Variants in FSIP2 observed in about 807,000 individuals in gnomAD.
FSIP2 encodes the protein fibrous sheath interacting protein 2, also known as fibrous sheath-interacting protein 2.
In FSIP2, 367 loss-of-function variants were observed where a neutral mutation model predicts 510.5. The observed-to-expected ratio is 0.72, with a 90% CI of 0.66 to 0.78. The LOEUF (loss-of-function observed/expected upper bound fraction) is 0.78, where lower values mean the gene tolerates loss of function less well. FSIP2 is among the 30% of genes least tolerant of loss of function. FSIP2 has a pLI of 0.00. For missense variants in FSIP2, 7,594 were observed against 7,901.7 expected (o/e 0.96, Z 1.48); for synonymous variants, 2,601 against 2,732.2 (o/e 0.95, Z 1.50).
intron 13 of FSIP2, among the ~76,000 whole-genome samples, chr2:185,776,679 A>G (rs1362813252): frequency 6.6e-6 from 1 of 152,168 alleles, no homozygotes; most frequent in East Asian, 1.9e-4. Flanking sequence ...TGACATTTTT[A>G]AGTGTTTTAT....
At position 185,808,225 on chromosome 2, in the gene FSIP2, T is replaced by C. The variant is rs750409084; in HGVS notation, c.18919T>C (p.Ser6307Pro). The change falls in exon 17 of 23, where the codon TCA (serine) becomes CCA (proline). Residue 6307 changes from serine to proline, a missense_variant. Ser to Pro is a moderately conservative substitution (Grantham distance 74, BLOSUM62 -1). Coordinates refer to ENST00000424728, the MANE Select transcript of FSIP2 (RefSeq NM_173651.4). ...TCAACCTCAAGTAGAGGAAGAAGTA[T>C]CAAATTCAGAATTAGTTCTGGAAGC... ...EFQPQVEEEV[S>P]NSELVLEAVK... 1.2e-6 allele frequency: 2 copies of C among 1,608,478 alleles called. No homozygotes were observed. Among genetic ancestry groups the C allele is most frequent in the Non-Finnish European group, 1.7e-6 (2 of 1,178,138 alleles).
chr2:185,781,744 T>G (rs1692853101), intron 13 of FSIP2, among the ~76,000 whole-genome samples: 1 of 152,236 alleles, frequency 6.6e-6, no homozygotes, highest in South Asian at 2.1e-4. Flanking sequence ...CTAGGCAAAA[T>G]TAAAAATATT....
chr2:185,785,751 C>T (rs929884597), intron 14 of FSIP2, among the ~76,000 whole-genome samples: 1 of 151,884 alleles, frequency 6.6e-6, no homozygotes, highest in Non-Finnish European at 1.5e-5. Flanking sequence ...GATTTTAACC[C>T]ATAGTTACTG....
At chr2:185,775,527 T>G (rs1043062873) in intron 13 of FSIP2, among the ~76,000 whole-genome samples, 3 of 152,098 alleles carry the variant, frequency 2.0e-5, no homozygotes, top group Admixed American at 6.5e-5. Flanking sequence ...ATTTTGTAGG[T>G]TGCCTGTTCA....
rs1367332089 is a variant in FSIP2, at chr2:185,793,858, C to G, written c.6722C>G (p.Ser2241Cys). The change falls in exon 16 of 23, where the codon TCT becomes TGT. Residue 2241 changes from serine to cysteine, a missense_variant. Ser to Cys is a moderately radical substitution (Grantham distance 112, BLOSUM62 -1). Transcript: ENST00000424728. The part of the protein sequence containing the change: ...TVVEKEDTQK[S>C]ATDSCEENAN... The stretch of plus-strand genomic sequence containing the variant: ...GTAGAGAAAGAAGACACTCAGAAAT[C>G]TGCTACTGACTCATGTGAGGAAAAT... The G allele has an allele frequency of 1.3e-6, 2 of 1,531,642 alleles. No individual in the cohort carries two copies. Among genetic ancestry groups the G allele is most frequent in the Non-Finnish European group, 1.7e-6 (2 of 1,144,600 alleles). 94.9% of individuals were successfully genotyped at this position (1,531,642 alleles called of 1,614,324 possible).
chr2:185,794,443 A>G lies in FSIP2; in HGVS notation c.7307A>G (p.Glu2436Gly). The change falls in exon 16 of 23, where the codon GAA becomes GGA. Residue 2436 changes from glutamate to glycine, a missense_variant. Physicochemically the swap from Glu to Gly is moderately conservative, Grantham distance 98. Coordinates refer to ENST00000424728, the MANE Select transcript of FSIP2 (RefSeq NM_173651.4). ...NEILLGHKEK[E>G]RSTKQSLFTK... ...ATATTGCTGGGTCACAAAGAGAAGG[A>G]AAGAAGTACCAAACAATCTCTATTT... 1.3e-6 allele frequency: 2 copies of G among 1,510,658 alleles called. No individual in the cohort carries two copies. Among genetic ancestry groups the G allele is most frequent in the Non-Finnish European group, 1.8e-6 (2 of 1,137,102 alleles). The allele number at this position is 1,510,658 out of a possible 1,614,324, so 93.6% of individuals were successfully genotyped here. A position where few individuals can be genotyped will look rare whatever the true frequency, so the allele number is the denominator to read the frequency against.
chr2:185,754,323 T>C (rs1692201577), intron 8 of FSIP2, among the ~76,000 whole-genome samples: 1 of 151,512 alleles, frequency 6.6e-6, no homozygotes. Flanking sequence ...TATAACATTA[T>C]AAAATTACAA....
At chr2:185,813,466 A>C in intron 17 of FSIP2, 79 bp from the exon 18 acceptor site, 1 of 791,870 alleles carries the variant, frequency 1.3e-6, no homozygotes, top group South Asian at 3.3e-5. Flanking sequence ...AATTATAAGA[A>C]AATAGCTACA....
In FSIP2 at chr2:185,805,898, A is replaced by C. The variant is rs769295821; in HGVS notation, c.16592A>C (p.Lys5531Thr). ...DENKVGICTQKHSENVSKVTS... is the reference protein window; with the variant it reads ...DENKVGICTQTHSENVSKVTS... ...AATAAAGTGGGAATTTGTACTCAAAAACATAGTGAGAATGTATCAAAAGTT... is the reference window on the plus strand; with the variant it reads ...AATAAAGTGGGAATTTGTACTCAAACACATAGTGAGAATGTATCAAAAGTT... The change falls in exon 17 of 23, where the codon AAA becomes ACA. Residue 5531 changes from lysine (K) to threonine (T), a missense_variant. Physicochemically the swap from Lys to Thr is moderately conservative, Grantham distance 78. Coordinates refer to ENST00000424728, the MANE Select transcript of FSIP2 (RefSeq NM_173651.4). The C allele has an allele frequency of 2.4e-5, 38 of 1,607,306 alleles. No homozygotes were observed. The highest frequency in any genetic ancestry group is 3.2e-5 in the Non-Finnish European group (38 of 1,177,256).
chr2:185,826,007 A>G (rs563285717), intron 20 of FSIP2, among the ~76,000 whole-genome samples: 1 of 151,834 alleles, frequency 6.6e-6, no homozygotes, highest in East Asian at 1.9e-4. Flanking sequence ...AAGATACACG[A>G]ATACTTACCA....
rs1230352580 is a variant in FSIP2 at position 185,806,692 on chromosome 2, A to G, written c.17386A>G (p.Lys5796Glu). 5.6e-6 allele frequency: 9 copies of G among 1,602,902 alleles called. No homozygotes were observed. The highest frequency in any genetic ancestry group is 7.7e-6 in the Non-Finnish European group (9 of 1,176,328). ...FLEDVITEMV[K>E]QLIFSSIPET... ...AGAAGATGTTATTACTGAGATGGTT[A>G]AACAATTGATCTTTTCTTCTATACC... is the stretch of plus-strand genomic sequence containing the variant. Residue 5796 changes from lysine to glutamate, a missense_variant, in exon 17 of 23, where the codon AAA becomes GAA. Coordinates refer to ENST00000424728, the MANE Select transcript of FSIP2 (RefSeq NM_173651.4).
chr2:185,754,244 G>GA (rs1199362003), intron 8 of FSIP2, among the ~76,000 whole-genome samples: 3 of 151,290 alleles, frequency 2.0e-5, no homozygotes, highest in East Asian at 3.9e-4. Context: ...AATGAAGAAA[G>GA]AAAAAATGAA....
intron 20 of FSIP2, among the ~76,000 whole-genome samples, chr2:185,825,265 T>G (rs903636826): frequency 1.4e-4 from 21 of 151,920 alleles, no homozygotes; most frequent in African/African-American, 5.1e-4. Flanking sequence ...ATGTCTGAAT[T>G]GTGGAATTAT....
chr2:185,793,159 G>C lies in FSIP2; in HGVS notation c.6023G>C (p.Arg2008Thr), dbSNP rs1360609897. The change falls in exon 16 of 23, where the codon AGA becomes ACA. Residue 2008 changes from arginine to threonine, a missense_variant. Coordinates refer to ENST00000424728, the MANE Select transcript of FSIP2 (RefSeq NM_173651.4). ...KLNTYALQVARRNLQGIKQEL... is the reference protein window; with the variant it reads ...KLNTYALQVATRNLQGIKQEL... ...AATACTTATGCACTACAAGTGGCTA[G>C]AAGAAATTTACAAGGAATCAAACAG... is the stretch of plus-strand genomic sequence containing the variant. 1 of 1,534,058 alleles carries C rather than the reference G, an allele frequency of 6.5e-7. No homozygotes were observed. Among genetic ancestry groups the C allele is most frequent in the Admixed American group, 2.0e-5 (1 of 50,822 alleles).
chr2:185,809,112 A>G lies in FSIP2; in HGVS notation c.19806A>G (p.Arg6602=). 1 of 1,574,322 alleles carries G rather than the reference A, an allele frequency of 6.4e-7. No individual in the cohort carries two copies. Among genetic ancestry groups the G allele is most frequent in the Non-Finnish European group, 8.6e-7 (1 of 1,166,586 alleles). The change falls in exon 17 of 23, where the codon AGA becomes AGG. Residue 6602 remains arginine (R), a synonymous_variant. Transcript: ENST00000424728. ...ERRTSLDKTG[R]LDVKPLEAVA... ...GTACCTCATTGGATAAGACTGGAAG[A>G]CTGGATGTAAAACCCCTAGAGGTAA...
In FSIP2 at chr2:185,803,567, A is replaced by G; in HGVS notation, c.14261A>G (p.Lys4754Arg). 1 of 1,532,880 alleles carries G rather than the reference A, an allele frequency of 6.5e-7. No homozygotes were observed. The highest frequency in any genetic ancestry group is 2.5e-5 in the East Asian group (1 of 40,804). 95.0% of individuals were successfully genotyped at this position (1,532,880 alleles called of 1,614,324 possible). A position where few individuals can be genotyped will look rare whatever the true frequency, so the allele number is the denominator to read the frequency against. ...HPDLIANLPF[K>R]SHSKLSANVL... ...GATCTTATAGCAAATCTGCCTTTTA[A>G]ATCACATTCCAAACTCAGTGCAAAT... is the stretch of plus-strand genomic sequence containing the variant. Residue 4754 changes from lysine to arginine, a missense_variant, in exon 17 of 23, where the codon AAA (lysine) becomes AGA (arginine). By Grantham distance (26) the Lys-to-Arg change is conservative. Coordinates refer to ENST00000424728, the MANE Select transcript of FSIP2 (RefSeq NM_173651.4).
intron 9 of FSIP2, 25 bp from the exon 10 acceptor site, chr2:185,760,963 G>C (rs767473519): frequency 6.9e-6 from 6 of 870,328 alleles, no homozygotes; most frequent in Non-Finnish European, 1.0e-5. Context: ...AAAAACTATA[G>C]AGTTTCTCTC....
chr2:185,786,127 A>G, intron 14 of FSIP2, 125 bp from the exon 15 acceptor site: 1 of 649,532 alleles, frequency 1.5e-6, no homozygotes, highest in Non-Finnish European at 2.6e-6. Flanking sequence ...TGTATTCTTC[A>G]TTTTGAATTT....
At chr2:185,750,609 T>TC (rs1474305939) in intron 7 of FSIP2, among the ~76,000 whole-genome samples, 2 of 150,136 alleles carry the variant, frequency 1.3e-5, no homozygotes, top group Non-Finnish European at 3.0e-5. Context: ...CTCTGTTTTT[T>TC]TTTTTTCTAT....
Sources: allele counts gnomAD v4.1 joint callset (sites outside exome capture counted in the v4.1 genomes callset), GRCh38; gene constraint gnomAD v4.1.1; transcripts MANE v1.5; gene names NCBI Gene and HGNC (gene_info 2026-07-23, HGNC 2026-07-21).